FURIN: variants seen among roughly 807,000 people sequenced by gnomAD.
The protein encoded by FURIN is FES upstream region.
Under a neutral mutation model 89.2 loss-of-function variants are expected in FURIN, and 18 were observed. The observed-to-expected ratio is 0.20, with a 90% confidence interval of 0.14 to 0.30. The LOEUF (loss-of-function observed/expected upper bound fraction) is 0.30. Ranked by LOEUF, FURIN falls within the 10% of genes least tolerant of loss-of-function variation. FURIN has a pLI of 1.00. For synonymous variants in FURIN, 508 were observed against 466.4 expected (o/e 1.09, Z -1.15); for missense variants, 879 against 1,100.5 (o/e 0.80, Z 2.85).
At position 90,876,598 on chromosome 15, in the gene FURIN, G is replaced by A; in HGVS notation, c.372+41G>A. Reference sequence around the variant, plus strand: ...CGCTGCTGGGACCTCCTCCCCAGATGCACCATCCACCCACTATGAGCTCTT... The same window carrying A: ...CGCTGCTGGGACCTCCTCCCCAGATACACCATCCACCCACTATGAGCTCTT... On this transcript the variant is annotated intron_variant, in intron 4 of 15. Transcript: ENST00000268171. This position sits in a 1 kb window ranked among gnomAD's most constrained non-coding sequence, Gnocchi z 5.0. 1 of 1,284,142 alleles carries A rather than the reference G, an allele frequency of 7.8e-7. No homozygotes were observed. Among genetic ancestry groups the A allele is most frequent in the South Asian group, 1.2e-5 (1 of 83,666 alleles). The allele number at this position is 1,284,142 out of a possible 1,614,324, so 79.5% of individuals were successfully genotyped here.
intron 6 of FURIN, 56 bp downstream of exon 6, chr15:90,877,267 A>T: frequency 7.2e-7 from 1 of 1,396,246 alleles, no homozygotes; most frequent in Non-Finnish European, 9.9e-7. Context: ...CCACTAAGGA[A>T]CAGGGCTGAG....
chr15:90,878,923 T>A lies in FURIN; in HGVS notation c.1000T>A (p.Ser334Thr). 2.5e-6 allele frequency: 4 copies of A among 1,612,172 alleles called. No homozygotes were observed. Among genetic ancestry groups the A allele is most frequent in the Non-Finnish European group, 3.4e-6 (4 of 1,179,796 alleles). ...GNVPWYSEACSSTLATTYSSG... is the reference protein window; with the variant it reads ...GNVPWYSEACTSTLATTYSSG... ...CGTGCCGTGGTACAGCGAGGCCTGCTCGTCCACACTGGCCACGACCTACAG... is the reference window on the plus strand; with the variant it reads ...CGTGCCGTGGTACAGCGAGGCCTGCACGTCCACACTGGCCACGACCTACAG... The change falls in exon 9 of 16, where the codon TCG (serine) becomes ACG (threonine). Residue 334 changes from serine (S) to threonine (T), a missense_variant. Coordinates refer to ENST00000268171, the MANE Select transcript of FURIN (RefSeq NM_002569.4).
Position 90,880,683 on chromosome 15 carries a change from C to T in FURIN, c.1557-8C>T. On this transcript the variant is annotated splice_polypyrimidine_tract_variant and splice_region_variant and intron_variant, in intron 13 of 15. Transcript: ENST00000268171. Reference sequence around the variant, plus strand: ...AGGCCTCAGGGCTGTGTGCACTCCCCTCCCCAGGCCACATGACTACTCCGC... The same window carrying T: ...AGGCCTCAGGGCTGTGTGCACTCCCTTCCCCAGGCCACATGACTACTCCGC... 2.5e-6 allele frequency: 4 copies of T among 1,610,202 alleles called. No individual in the cohort carries two copies. The highest frequency in any genetic ancestry group is 3.4e-6 in the Non-Finnish European group (4 of 1,177,864).
Position 90,881,305 on chromosome 15 carries a change from C to T in FURIN, c.1812C>T (p.Ser604=). The part of the protein sequence containing the change: ...QACVVCEEGF[S]LHQKSCVQHC... ...CGGCAGTGTGCGAGGAAGGCTTCTC[C>T]CTGCACCAGAAGAGCTGTGTCCAGC... is the stretch of plus-strand genomic sequence containing the variant. The change falls in exon 16 of 16, where the codon TCC becomes TCT. Residue 604 remains serine, a synonymous_variant. Transcript: ENST00000268171. The surrounding 1 kb of genome is among the most constrained non-coding windows in gnomAD (Gnocchi z 4.3). 2 of 1,603,814 alleles carry T rather than the reference C, an allele frequency of 1.2e-6. No individual in the cohort carries two copies. Among genetic ancestry groups the T allele is most frequent in the African/African-American group, 1.3e-5 (1 of 74,810 alleles).
chr15:90,877,997 G>T, intron 7 of FURIN, 135 bp from the exon 8 acceptor site: 1 of 769,328 alleles, frequency 1.3e-6, no homozygotes, highest in Non-Finnish European at 2.1e-6. Context: ...TGGGGGTTCA[G>T]GGTTTCTCAG....
At position 90,881,714 on chromosome 15, in the gene FURIN, G is replaced by A; in HGVS notation, c.2221G>A (p.Gly741Ser). The A allele has an allele frequency of 6.3e-7, 1 of 1,596,870 alleles. No individual in the cohort carries two copies. Among genetic ancestry groups the A allele is most frequent in the Non-Finnish European group, 8.5e-7 (1 of 1,170,294 alleles). The change falls in exon 16 of 16, where the codon GGC (glycine) becomes AGC (serine). Residue 741 changes from glycine (G) to serine (S), a missense_variant. By Grantham distance (56) the Gly-to-Ser change is moderately conservative. Around this residue, in one of 5 missense-constraint regions of FURIN, gnomAD observed 457 missense variants for 490.7 expected, o/e 0.93. Coordinates refer to ENST00000268171, the MANE Select transcript of FURIN (RefSeq NM_002569.4). This position sits in a 1 kb window ranked among gnomAD's most constrained non-coding sequence, Gnocchi z 4.3. ...TVFLVLQLRSGFSFRGVKVYT... is the reference protein window; with the variant it reads ...TVFLVLQLRSSFSFRGVKVYT... ...CTTCCTGGTCCTGCAGCTGCGCTCT[G>A]GCTTTAGTTTTCGGGGGGTGAAGGT... is the stretch of plus-strand genomic sequence containing the variant.
Position 90,880,205 on chromosome 15 carries a change from T to A in FURIN, c.1488T>A (p.Asn496Lys). The A allele has an allele frequency of 3.1e-6, 5 of 1,612,676 alleles. No homozygotes were observed. Among genetic ancestry groups the A allele is most frequent in the Non-Finnish European group, 3.4e-6 (4 of 1,179,658 alleles). The change falls in exon 13 of 16, where the codon AAT becomes AAA. Residue 496 changes from asparagine to lysine, a missense_variant. This residue lies in a region of FURIN where 457 missense variants were observed against 490.7 expected (regional missense o/e 0.93). Transcript: ENST00000268171. ...HAQARLTLSY[N>K]RRGDLAIHLV... ...AGGCGCGGCTCACCCTGTCCTATAA[T>A]CGCCGTGGCGACCTGGCCATCCACC...
chr15:90,879,728 C>T lies in FURIN; in HGVS notation c.1212C>T (p.Ala404=), dbSNP rs2031838038. The T allele has an allele frequency of 6.2e-7, 1 of 1,613,858 alleles. No individual in the cohort carries two copies. Among genetic ancestry groups the T allele is most frequent in the South Asian group, 1.1e-5 (1 of 91,090 alleles). Residue 404 remains alanine (A), a synonymous_variant, in exon 11 of 16, where the codon GCC becomes GCT. Coordinates refer to ENST00000268171, the MANE Select transcript of FURIN (RefSeq NM_002569.4). The stretch of plus-strand genomic sequence containing the variant: ...TGGTGGTACAGACCTCGAAGCCAGC[C>T]CACCTCAATGCCAACGACTGGGCCA... ...QHLVVQTSKP[A]HLNANDWATN... is the part of the protein sequence containing the mutation.
Position 90,882,034 on chromosome 15 carries a change from C to T in FURIN, c.*156C>T. 1 of 625,004 alleles carries T rather than the reference C, an allele frequency of 1.6e-6. No homozygotes were observed. The highest frequency in any genetic ancestry group is 2.0e-5 in the South Asian group (1 of 50,664). The allele number at this position is 625,004 out of a possible 1,614,324, so 38.7% of individuals were successfully genotyped here. On this transcript the variant is annotated 3_prime_UTR_variant, in exon 16 of 16. Coordinates refer to ENST00000268171, the MANE Select transcript of FURIN (RefSeq NM_002569.4). ...TCCTACCCTCGGGCCCACCTGGCCA[C>T]CTGAGGTGGGCCCAGGACCAGCTGG...
At chr15:90,874,649 A>G (rs1186719910) in intron 1 of FURIN, among the ~76,000 whole-genome samples, 1 of 152,200 alleles carries the variant, frequency 6.6e-6, no homozygotes, top group Non-Finnish European at 1.5e-5. Context: ...TTGCTGAACT[A>G]GGAAACCCTA....
At chr15:90,879,632 A>G in intron 10 of FURIN, 39 bp from the exon 11 acceptor site, 4 of 1,592,880 alleles carry the variant, frequency 2.5e-6, no homozygotes, top group Non-Finnish European at 3.4e-6. Flanking sequence ...CTGCTCCCAA[A>G]AAAGACTGAT....
chr15:90,876,817 G>A lies in FURIN; in HGVS notation c.373-79G>A. The A allele has an allele frequency of 2.7e-6, 4 of 1,493,278 alleles. No homozygotes were observed. Among genetic ancestry groups the A allele is most frequent in the South Asian group, 1.2e-5 (1 of 84,834 alleles). The allele number at this position is 1,493,278 out of a possible 1,614,324, so 92.5% of individuals were successfully genotyped here. A position where few individuals can be genotyped will look rare whatever the true frequency, so the allele number is the denominator to read the frequency against. ...TGGTACAGGAGGAGGTTTTACGGGG[G>A]CAAAGGGATTCTTCAAGATGCTCCT... is the stretch of plus-strand genomic sequence containing the variant. On this transcript the variant is annotated intron_variant, in intron 4 of 15. Coordinates refer to ENST00000268171, the MANE Select transcript of FURIN (RefSeq NM_002569.4). This position sits in a 1 kb window ranked among gnomAD's most constrained non-coding sequence, Gnocchi z 5.0.
At chr15:90,868,846 G>T (rs530909562) in intron 1 of FURIN, 135 bp downstream of exon 1, 1 of 152,362 alleles carries the variant, frequency 6.6e-6, no homozygotes, top group South Asian at 2.1e-4. Flanking sequence ...CTTTCATTCG[G>T]AGAGAACACC....
At chr15:90,876,000 T>A in intron 2 of FURIN, 83 bp downstream of exon 2, 3 of 1,232,926 alleles carry the variant, frequency 2.4e-6, no homozygotes, top group Non-Finnish European at 1.1e-6. Context: ...TTGGCCTTGT[T>A]TGCTCAGGGG....
rs371102875 is a variant in FURIN at position 90,880,186 on chromosome 15, G to A, written c.1469G>A (p.Arg490Gln). ...ACTCGGCTGGAGCACGCTCAGGCGC[G>A]GCTCACCCTGTCCTATAATCGCCGT... is the stretch of plus-strand genomic sequence containing the variant. ...HITRLEHAQA[R>Q]LTLSYNRRGD... Residue 490 changes from arginine to glutamine, a missense_variant, in exon 13 of 16, where the codon CGG becomes CAG. Transcript: ENST00000268171. The A allele has an allele frequency of 4.3e-6, 7 of 1,612,546 alleles. No individual in the cohort carries two copies. The highest frequency in any genetic ancestry group is 2.2e-5 in the East Asian group (1 of 44,874).
In FURIN at chr15:90,881,766, C is replaced by G; in HGVS notation, c.2273C>G (p.Ser758Cys). The G allele has an allele frequency of 6.2e-7, 1 of 1,612,638 alleles. No homozygotes were observed. Among genetic ancestry groups the G allele is most frequent in the East Asian group, 2.2e-5 (1 of 44,882 alleles). ...TACACCATGGACCGTGGCCTCATCT[C>G]CTACAAGGGGCTGCCCCCTGAAGCC... ...KVYTMDRGLI[S>C]YKGLPPEAWQ... Residue 758 changes from serine (S) to cysteine (C), a missense_variant, in exon 16 of 16, where the codon TCC becomes TGC. By Grantham distance (112) the Ser-to-Cys change is moderately radical. Coordinates refer to ENST00000268171, the MANE Select transcript of FURIN (RefSeq NM_002569.4). The surrounding 1 kb of genome is among the most constrained non-coding windows in gnomAD (Gnocchi z 4.3).
At chr15:90,870,410 A>T (rs1315392857) in intron 1 of FURIN, among the ~76,000 whole-genome samples, 1 of 152,186 alleles carries the variant, frequency 6.6e-6, no homozygotes, top group African/African-American at 2.4e-5. Flanking sequence ...GTGAGGATAA[A>T]ACGGGTTGAC....
At chr15:90,872,041 C>T (rs1406096882) in intron 1 of FURIN, among the ~76,000 whole-genome samples, 2 of 151,410 alleles carry the variant, frequency 1.3e-5, no homozygotes, top group Non-Finnish European at 3.0e-5. Flanking sequence ...CCAGCCTCCC[C>T]GCCGCCACCG....
intron 13 of FURIN, among the ~76,000 whole-genome samples, 200 bp from the exon 14 acceptor site, chr15:90,880,491 T>G (rs2031898042): frequency 6.6e-6 from 1 of 152,232 alleles, no homozygotes. Context: ...CCCCACCTTG[T>G]GCGGTGCCTG....
Sources: allele counts gnomAD v4.1 joint callset (sites outside exome capture counted in the v4.1 genomes callset), GRCh38; gene constraint gnomAD v4.1.1; regional missense constraint gnomAD v4.1.1; non-coding constraint Gnocchi (gnomAD v3.1); transcripts MANE v1.5; gene names NCBI Gene and HGNC (gene_info 2026-07-23, HGNC 2026-07-21).